The following THSD7B variants were observed in gnomAD, a reference collection of about 807,000 sequenced individuals.
THSD7B encodes the protein thrombospondin type-1 domain-containing protein 7B.
Under a neutral mutation model 213.6 loss-of-function variants are expected in THSD7B, and 138 were observed. The ratio of observed to expected loss-of-function variants is 0.65; its 90% CI spans 0.56 to 0.74. The LOEUF (loss-of-function observed/expected upper bound fraction) is 0.74. THSD7B is among the 30% of genes least tolerant of loss of function. The pLI is 0.00. For synonymous variants in THSD7B, 742 were observed against 687.0 expected (o/e 1.08, Z -1.25); for missense variants, 1,931 against 1,991.5 (o/e 0.97, Z 0.58).
chr2:137,545,137 T>G (rs1192542565), intron 15 of THSD7B, among the ~76,000 whole-genome samples: 2 of 151,928 alleles, frequency 1.3e-5, no homozygotes, highest in Non-Finnish European at 2.9e-5. Flanking sequence ...AATGAGACAG[T>G]TGGAATTGAT....
intron 12 of THSD7B, among the ~76,000 whole-genome samples, chr2:137,373,878 A>T (rs1003502692): frequency 2.0e-5 from 3 of 152,210 alleles, no homozygotes; most frequent in Non-Finnish European, 4.4e-5. Context: ...TTTTTGTATA[A>T]GTTGTAAGGA....
chr2:136,896,818 G>A (rs1419957841), intron 2 of THSD7B, among the ~76,000 whole-genome samples: 1 of 152,038 alleles, frequency 6.6e-6, no homozygotes, highest in African/African-American at 2.4e-5. Context: ...TCATTGAATT[G>A]CCTTGGCATC....
chr2:136,824,594 A>G (rs564154560), intron 1 of THSD7B, among the ~76,000 whole-genome samples: 116 of 152,286 alleles, frequency 7.6e-4, no homozygotes, highest in African/African-American at 2.7e-3. Flanking sequence ...GAAATATTTT[A>G]TTAGGTTTGC....
chr2:136,962,235 A>G (rs565726845), intron 2 of THSD7B, among the ~76,000 whole-genome samples: 1 of 152,308 alleles, frequency 6.6e-6, no homozygotes, highest in East Asian at 1.9e-4. Context: ...TCAAGCTTGC[A>G]GAAGGAACTA....
At chr2:137,026,505 T>C (rs1352966946) in intron 2 of THSD7B, among the ~76,000 whole-genome samples, 1 of 152,174 alleles carries the variant, frequency 6.6e-6, no homozygotes, top group Non-Finnish European at 1.5e-5. Flanking sequence ...TTTATAGTAC[T>C]AGGCTCATGG....
At chr2:136,810,378 C>T (rs536954507) in intron 1 of THSD7B, among the ~76,000 whole-genome samples, 28 of 152,268 alleles carry the variant, frequency 1.8e-4, no homozygotes, top group Admixed American at 7.2e-4. Context: ...TGTCTCTATA[C>T]GACTATAAAA....
At chr2:136,863,781 T>C (rs1683291080) in intron 1 of THSD7B, among the ~76,000 whole-genome samples, 3 of 152,204 alleles carry the variant, frequency 2.0e-5, no homozygotes, top group African/African-American at 7.2e-5. Flanking sequence ...CTTTCATTAT[T>C]GAGCTTCAAC....
At chr2:136,779,196 A>ATGTGTGTGTG (rs773458822) in intron 1 of THSD7B, among the ~76,000 whole-genome samples, 14 of 134,286 alleles carry the variant, frequency 1.0e-4, no homozygotes, top group Non-Finnish European at 1.9e-4. Flanking sequence ...CTATATATAT[A>ATGTGTGTGTG]TATGTGTGTG....
chr2:137,114,993 C>T, intron 4 of THSD7B, 131 bp from the exon 5 acceptor site: 2 of 950,510 alleles, frequency 2.1e-6, no homozygotes, highest in South Asian at 3.3e-5. Context: ...TAGTATACTT[C>T]TTTATCCACA....
chr2:137,233,282 A>C, intron 9 of THSD7B, 149 bp downstream of exon 9: 4 of 704,760 alleles, frequency 5.7e-6, no homozygotes, highest in Non-Finnish European at 9.3e-6. Context: ...AGATTAAAAC[A>C]TGTGCCTCAA....
At chr2:137,622,511 AC>A (rs1345241925) in intron 20 of THSD7B, among the ~76,000 whole-genome samples, 3 of 152,092 alleles carry the variant, frequency 2.0e-5, no homozygotes, top group South Asian at 4.1e-4. Context: ...CACAAAGAAA[AC>A]CCTTCAAAAA....
chr2:136,930,048 T>G (rs529230641), intron 2 of THSD7B, among the ~76,000 whole-genome samples: 1 of 152,300 alleles, frequency 6.6e-6, no homozygotes, highest in East Asian at 1.9e-4. Flanking sequence ...ATCAAGTTTG[T>G]GGTTATGTGT....
At position 137,095,051 on chromosome 2, in the gene THSD7B, A is replaced by T; in HGVS notation, c.1129A>T (p.Lys377Ter). The T allele has an allele frequency of 6.2e-7, 1 of 1,613,880 alleles. No individual in the cohort carries two copies. Among genetic ancestry groups the T allele is most frequent in the Non-Finnish European group, 8.5e-7 (1 of 1,179,864 alleles). Reference protein sequence around the residue: ...NVKHMAIGGGKECPELLEKEA... With the variant: ...NVKHMAIGGG The stretch of plus-strand genomic sequence containing the variant: ...GAAGCACATGGCTATTGGAGGTGGA[A>T]AGGAGTGTCCTGAACTTCTTGAGAA... Residue 377 changes from lysine to a stop codon, truncating the protein, a stop_gained, in exon 4 of 28, where the codon AAG (lysine) becomes TAG (stop). Transcript: ENST00000409968. LOFTEE classifies it high-confidence loss of function.
At chr2:137,359,306 AT>A (rs1685201953) in intron 12 of THSD7B, among the ~76,000 whole-genome samples, 2 of 152,228 alleles carry the variant, frequency 1.3e-5, no homozygotes, top group Admixed American at 1.3e-4. Flanking sequence ...CAGGACTTTG[AT>A]GAATTGCATT....
chr2:137,139,786 G>A lies in THSD7B; in HGVS notation c.1370-20427G>A, dbSNP rs1679545604. On this transcript the variant is annotated intron_variant, in intron 5 of 27. Coordinates refer to ENST00000409968, the MANE Select transcript of THSD7B (RefSeq NM_001316349.2). ...GAAGAAATACTCTTGCTGAGATTCT[G>A]CTGTTGGCAATTTATTCCTTTGGCT... Among the ~76,000 whole-genome samples, 3 of 152,202 alleles carry A rather than the reference G, an allele frequency of 2.0e-5. No homozygotes were observed. The South Asian group carries it at 6.2e-4, about 32-fold the overall frequency.
intron 7 of THSD7B, among the ~76,000 whole-genome samples, chr2:137,216,539 G>T (rs1349256698): frequency 1.3e-5 from 2 of 151,988 alleles, no homozygotes; most frequent in African/African-American, 4.8e-5. Flanking sequence ...AAATTATAGG[G>T]ATCCTGTCAC....
intron 7 of THSD7B, among the ~76,000 whole-genome samples, chr2:137,226,783 C>T (rs1346935462): frequency 1.3e-5 from 2 of 148,774 alleles, no homozygotes; most frequent in African/African-American, 4.9e-5. Context: ...CAAGTATATG[C>T]ACATGCATAT....
At chr2:137,087,804 T>C (rs1687867871) in intron 3 of THSD7B, among the ~76,000 whole-genome samples, 1 of 152,078 alleles carries the variant, frequency 6.6e-6, no homozygotes, top group Non-Finnish European at 1.5e-5. Context: ...AAAACAATTC[T>C]AAAATTCATA....
chr2:137,394,801 A>G (rs1218756763), intron 12 of THSD7B, among the ~76,000 whole-genome samples: 7 of 137,614 alleles, frequency 5.1e-5, no homozygotes, highest in South Asian at 2.5e-4. Flanking sequence ...TGAGCATGGA[A>G]TGTTCTTCCA....
Sources: allele counts gnomAD v4.1 joint callset (sites outside exome capture counted in the v4.1 genomes callset), GRCh38; gene constraint gnomAD v4.1.1; transcripts MANE v1.5; gene names NCBI Gene and HGNC (gene_info 2026-07-23, HGNC 2026-07-21).